LPP: variants seen among roughly 807,000 people sequenced by gnomAD.
LPP encodes LIM domain containing preferred translocation partner in lipoma, also known as lipoma-preferred partner.
Under a neutral mutation model 60.4 loss-of-function variants are expected in LPP, and 38 were observed. The ratio of observed to expected loss-of-function variants is 0.63; its 90% CI spans 0.49 to 0.83. The LOEUF is 0.83. LPP is among the 40% of genes least tolerant of loss of function. LPP has a pLI of 0.00. For missense variants in LPP, 902 were observed against 783.6 expected, an observed-to-expected ratio of 1.15 and a Z score of -1.80; for synonymous variants, 328 against 290.8, an observed-to-expected ratio of 1.13 and a Z score of -1.30.
chr3:188,563,166 T>C (rs1375491011), intron 6 of LPP, among the ~76,000 whole-genome samples: 1 of 152,020 alleles, frequency 6.6e-6, no homozygotes, highest in East Asian at 1.9e-4. Context: ...TCTAATTCTC[T>C]GTGCTGGCTC....
At chr3:188,496,854 T>A (rs1810378424) in intron 5 of LPP, among the ~76,000 whole-genome samples, 1 of 152,210 alleles carries the variant, frequency 6.6e-6, no homozygotes, top group Non-Finnish European at 1.5e-5. Context: ...ACAGGAAAAC[T>A]GTGTACAGAC....
chr3:188,240,545 A>T (rs557785899), intron 2 of LPP, among the ~76,000 whole-genome samples: 1 of 152,174 alleles, frequency 6.6e-6, no homozygotes, highest in East Asian at 1.9e-4. Context: ...TGATGTGCCT[A>T]GAGTAGTTGA....
chr3:188,602,741 AGG>A (rs1491021157), intron 6 of LPP, among the ~76,000 whole-genome samples: 2 of 149,358 alleles, frequency 1.3e-5, no homozygotes, highest in Admixed American at 6.7e-5. Flanking sequence ...AAAAAAAAAA[AGG>A]AGAAGAGTAA....
chr3:188,332,746 T>C (rs12494557), intron 2 of LPP, among the ~76,000 whole-genome samples: 17,766 of 152,194 alleles, frequency 0.12, 1,700 homozygotes, highest in East Asian at 0.31. Context: ...ATTTTTGCAT[T>C]AAGAAGCTTC....
At chr3:188,482,919 GA>G (rs1313430424) in intron 4 of LPP, among the ~76,000 whole-genome samples, 1 of 152,160 alleles carries the variant, frequency 6.6e-6, no homozygotes, top group Non-Finnish European at 1.5e-5. Context: ...TATTAGAAAT[GA>G]AGATGGTTGG....
chr3:188,644,911 C>A (rs1850826918), intron 7 of LPP, among the ~76,000 whole-genome samples: 1 of 152,160 alleles, frequency 6.6e-6, no homozygotes, highest in South Asian at 2.1e-4. Context: ...TGAAATCAGG[C>A]AAAGCTAGAC....
intron 10 of LPP, among the ~76,000 whole-genome samples, chr3:188,869,933 A>C (rs990314039): frequency 5.3e-5 from 8 of 152,240 alleles, no homozygotes; most frequent in Admixed American, 5.2e-4. Flanking sequence ...ACCCTAACAC[A>C]CACGTACACA....
At chr3:188,391,406 G>T (rs937752739) in intron 3 of LPP, among the ~76,000 whole-genome samples, 1 of 152,212 alleles carries the variant, frequency 6.6e-6, no homozygotes, top group African/African-American at 2.4e-5. Flanking sequence ...TTTGCTTGAT[G>T]AATTTGAACC....
chr3:188,766,361 T>C (rs754529192), intron 9 of LPP, among the ~76,000 whole-genome samples: 1 of 77,274 alleles, frequency 1.3e-5, no homozygotes, highest in South Asian at 8.3e-4. Context: ...TTCTTGAGCA[T>C]TTGAGGCCTT....
At chr3:188,430,296 T>C (rs1400023387) in intron 4 of LPP, among the ~76,000 whole-genome samples, 1 of 152,176 alleles carries the variant, frequency 6.6e-6, no homozygotes, top group Admixed American at 6.5e-5. Flanking sequence ...GAATTTCCTA[T>C]GTGATTTTTT....
intron 2 of LPP, among the ~76,000 whole-genome samples, chr3:188,321,430 G>T (rs902703401): frequency 1.3e-5 from 2 of 152,184 alleles, no homozygotes; most frequent in Non-Finnish European, 2.9e-5. Context: ...TCTATTGGAT[G>T]GTGCTGGCTT....
chr3:188,742,729 T>A (rs1410087011), intron 8 of LPP, among the ~76,000 whole-genome samples: 1 of 152,278 alleles, frequency 6.6e-6, no homozygotes, highest in Non-Finnish European at 1.5e-5. Flanking sequence ...TTCCAGATCC[T>A]GGTAATGGAG....
intron 2 of LPP, among the ~76,000 whole-genome samples, chr3:188,279,698 C>A (rs1362029849): frequency 6.6e-6 from 1 of 152,210 alleles, no homozygotes; most frequent in Non-Finnish European, 1.5e-5. Context: ...ACTGGTTCAA[C>A]ACACATTTTA....
intron 7 of LPP, among the ~76,000 whole-genome samples, chr3:188,626,228 T>C (rs1846807710): frequency 2.0e-5 from 3 of 152,168 alleles, no homozygotes; most frequent in Admixed American, 2.0e-4. Flanking sequence ...TTGTAAAAAA[T>C]AACAAGTAAC....
intron 3 of LPP, among the ~76,000 whole-genome samples, chr3:188,395,489 C>G (rs1780721622): frequency 2.0e-5 from 3 of 152,058 alleles, no homozygotes. Flanking sequence ...AGGGTCTCCT[C>G]CCAAAGTGCT....
chr3:188,334,501 C>A (rs938163402), intron 2 of LPP, among the ~76,000 whole-genome samples: 44 of 139,464 alleles, frequency 3.2e-4, no homozygotes, highest in Non-Finnish European at 4.9e-4. Flanking sequence ...TGGCTCACTG[C>A]AAGCTCCGCC....
chr3:188,244,856 A>G (rs892277307), intron 2 of LPP, among the ~76,000 whole-genome samples: 3 of 152,180 alleles, frequency 2.0e-5, no homozygotes. Context: ...CTGAAGCCTC[A>G]GCATGTACAT....
chr3:188,210,116 A>G (rs1412331447), intron 1 of LPP, among the ~76,000 whole-genome samples: 1 of 152,170 alleles, frequency 6.6e-6, no homozygotes, highest in East Asian at 1.9e-4. Context: ...AAATAAAAAA[A>G]CCAATATAAT....
At chr3:188,570,453 A>G (rs1833277383) in intron 6 of LPP, among the ~76,000 whole-genome samples, 1 of 152,036 alleles carries the variant, frequency 6.6e-6, no homozygotes, top group Non-Finnish European at 1.5e-5. Flanking sequence ...AAAACTCCCC[A>G]TCCAGAATAG....
Sources: gnomAD v4.1 joint callset for allele counts (sites outside exome capture counted in the v4.1 genomes callset) on GRCh38, gnomAD v4.1.1 for gene constraint, MANE v1.5 for transcripts, NCBI Gene and HGNC (gene_info 2026-07-23, HGNC 2026-07-21) for gene names.